PTPRM: variants seen among roughly 807,000 people sequenced by gnomAD.
PTPRM encodes receptor-type tyrosine-protein phosphatase mu.
PTPRM carries 47 observed loss-of-function variants against 186.7 expected under a neutral mutation model. That is an observed-to-expected ratio of 0.25 (90% CI 0.20 to 0.32). The LOEUF is 0.32. Ranked by LOEUF, PTPRM falls within the 10% of genes least tolerant of loss-of-function variation. The probability of loss-of-function intolerance (pLI) is 1.00; values close to 1 mark genes in which losing one functional copy is unlikely to be tolerated. For synonymous variants in PTPRM, 668 were observed against 674.9 expected, an observed-to-expected ratio of 0.99 and a Z score of 0.16; for missense variants, 1,494 against 1,865.0, an observed-to-expected ratio of 0.80 and a Z score of 3.66.
At chr18:8,127,886 G>A (rs2092411222) in intron 13 of PTPRM, among the ~76,000 whole-genome samples, 1 of 152,092 alleles carries the variant, frequency 6.6e-6, no homozygotes, top group Non-Finnish European at 1.5e-5. Context: ...TGCTCTGCAG[G>A]AACTTATATT....
intron 7 of PTPRM, among the ~76,000 whole-genome samples, chr18:7,978,816 G>A (rs886490376): frequency 5.3e-5 from 8 of 152,266 alleles, no homozygotes; most frequent in Middle Eastern, 3.4e-3. Flanking sequence ...CTGTGAGCAC[G>A]TGACAGAGTA....
chr18:8,125,836 A>G lies in PTPRM; in HGVS notation c.2167+11009A>G, dbSNP rs543754482. On this transcript the variant is annotated intron_variant, in intron 13 of 32. Coordinates refer to ENST00000580170, the MANE Select transcript of PTPRM (RefSeq NM_001105244.2). ...TGATTTGGGAAGAAAGTAGAAAGCT[A>G]TACATGGTAGGAATTTCTCTTTAAA... 2.0e-4 allele frequency among the ~76,000 whole-genome samples: 31 copies of G among 151,788 alleles called. No individual in the cohort carries two copies. The South Asian group carries it at 5.2e-3, about 26-fold the overall frequency.
intron 2 of PTPRM, among the ~76,000 whole-genome samples, chr18:7,780,371 C>T (rs944759456): frequency 1.3e-5 from 2 of 152,122 alleles, no homozygotes; most frequent in African/African-American, 4.8e-5. Flanking sequence ...TTGGAGTACC[C>T]TTATGTATTC....
At chr18:8,385,768 TG>T (rs940398482) in intron 30 of PTPRM, among the ~76,000 whole-genome samples, 9 of 152,268 alleles carry the variant, frequency 5.9e-5, no homozygotes, top group South Asian at 2.1e-4. Context: ...AAAAATCCAA[TG>T]GTGTAATTTA....
chr18:7,984,820 TACAC>T (rs2082774287), intron 7 of PTPRM, among the ~76,000 whole-genome samples: 1 of 136,560 alleles, frequency 7.3e-6, no homozygotes, highest in Non-Finnish European at 1.5e-5. Flanking sequence ...TAAAATTATA[TACAC>T]ATATATAAAT....
chr18:7,684,663 C>T (rs1486696406), intron 1 of PTPRM, among the ~76,000 whole-genome samples: 1 of 152,194 alleles, frequency 6.6e-6, no homozygotes, highest in Admixed American at 6.5e-5. Context: ...CATGTTATCG[C>T]ACATTGCAGA....
At chr18:7,806,562 C>A (rs918671275) in intron 2 of PTPRM, among the ~76,000 whole-genome samples, 6 of 152,044 alleles carry the variant, frequency 3.9e-5, no homozygotes, top group African/African-American at 1.4e-4. Context: ...GATTTATGAG[C>A]AAAAAGGGCA....
chr18:7,892,355 A>G (rs1300427998), intron 3 of PTPRM, among the ~76,000 whole-genome samples: 1 of 152,216 alleles, frequency 6.6e-6, no homozygotes, highest in African/African-American at 2.4e-5. Flanking sequence ...CGGTTTATGA[A>G]CAGTCTTGGA....
At chr18:7,868,945 A>T (rs1238083680) in intron 2 of PTPRM, among the ~76,000 whole-genome samples, 1 of 152,100 alleles carries the variant, frequency 6.6e-6, no homozygotes, top group African/African-American at 2.4e-5. Flanking sequence ...AGCTTTGCAG[A>T]GCTGTGGTGG....
intron 14 of PTPRM, among the ~76,000 whole-genome samples, chr18:8,170,278 G>C (rs1213698845): frequency 1.3e-5 from 2 of 152,134 alleles, no homozygotes; most frequent in Non-Finnish European, 2.9e-5. Context: ...TAATCTGTGA[G>C]AGCCTCCCGA....
At chr18:8,204,844 G>A (rs989981946) in intron 14 of PTPRM, among the ~76,000 whole-genome samples, 13 of 152,024 alleles carry the variant, frequency 8.6e-5, no homozygotes, top group Non-Finnish European at 1.6e-4. Context: ...TACCAGGCTC[G>A]TGTTTTCTCT....
chr18:7,805,540 T>C (rs773638539), intron 2 of PTPRM, among the ~76,000 whole-genome samples: 1 of 152,216 alleles, frequency 6.6e-6, no homozygotes, highest in Non-Finnish European at 1.5e-5. Context: ...ATATTCCCAC[T>C]CCTTCTTTTG....
chr18:8,198,553 G>T (rs895501149), intron 14 of PTPRM, among the ~76,000 whole-genome samples: 3 of 152,140 alleles, frequency 2.0e-5, no homozygotes, highest in Admixed American at 6.5e-5. Context: ...AATCAGATGG[G>T]ATCATCATCC....
At chr18:7,667,821 G>A (rs917377484) in intron 1 of PTPRM, among the ~76,000 whole-genome samples, 5 of 152,078 alleles carry the variant, frequency 3.3e-5, no homozygotes, top group African/African-American at 1.2e-4. Context: ...AAAGTTGCAA[G>A]GCTACATATA....
rs376396750 is a variant in PTPRM, at chr18:7,980,738, G to A, written c.1132+25324G>A. On this transcript the variant is annotated intron_variant, in intron 7 of 32. Coordinates refer to ENST00000580170, the MANE Select transcript of PTPRM (RefSeq NM_001105244.2). ...GTCCTACCATTTCTAAGCAAAAATG[G>A]ACAGTGAGAGACTCCTTAACACACA... Among the ~76,000 whole-genome samples, 37 of 152,208 alleles carry A rather than the reference G, an allele frequency of 2.4e-4. 1 individual carries two copies. The highest frequency in any genetic ancestry group is 8.7e-4 in the African/African-American group (36 of 41,528).
chr18:8,102,446 T>C (rs1352856681), intron 11 of PTPRM, among the ~76,000 whole-genome samples: 4 of 152,244 alleles, frequency 2.6e-5, no homozygotes, highest in Non-Finnish European at 5.9e-5. Flanking sequence ...TATAATATTC[T>C]AAATCATTTG....
chr18:7,901,057 C>A (rs1207532528), intron 3 of PTPRM, among the ~76,000 whole-genome samples: 1 of 152,154 alleles, frequency 6.6e-6, no homozygotes, highest in Non-Finnish European at 1.5e-5. Context: ...TTTCCTCTGA[C>A]CTCAATCTTT....
chr18:8,151,706 A>C lies in PTPRM; in HGVS notation c.2300+7927A>C, dbSNP rs190133076. ...ACTGGGGTATGGAAAAAAAAAAAAA[A>C]AAAAAACTCCTGGAGCTAGTTCGGT... is the stretch of plus-strand genomic sequence containing the variant. On this transcript the variant is annotated intron_variant, in intron 14 of 32. Coordinates refer to ENST00000580170, the MANE Select transcript of PTPRM (RefSeq NM_001105244.2). Among the ~76,000 whole-genome samples, 942 of 151,360 alleles carry C rather than the reference A, an allele frequency of 6.2e-3. 12 individuals carry two copies. The highest frequency in any genetic ancestry group is 0.022 in the African/African-American group (910 of 41,208).
At chr18:8,025,544 G>C (rs931756695) in intron 7 of PTPRM, among the ~76,000 whole-genome samples, 6 of 152,114 alleles carry the variant, frequency 3.9e-5, no homozygotes, top group African/African-American at 1.4e-4. Flanking sequence ...GAAGGTGTTT[G>C]TTGATTCATT....
Sources: gnomAD v4.1 joint callset for allele counts (sites outside exome capture counted in the v4.1 genomes callset) on GRCh38, gnomAD v4.1.1 for gene constraint, MANE v1.5 for transcripts, NCBI Gene and HGNC (gene_info 2026-07-23, HGNC 2026-07-21) for gene names.